DNAJC5B: variants seen among roughly 807,000 people sequenced by gnomAD.
The protein encoded by DNAJC5B is dnaJ homolog subfamily C member 5B.
Under a neutral mutation model 24.7 loss-of-function variants are expected in DNAJC5B, and 23 were observed. The observed-to-expected ratio is 0.93, with a 90% CI of 0.67 to 1.32. DNAJC5B has a LOEUF of 1.32. DNAJC5B is among the 40% of genes most tolerant of loss of function. DNAJC5B has a pLI of 0.00. For synonymous variants in DNAJC5B, 101 were observed against 90.1 expected, an observed-to-expected ratio of 1.12 and a Z score of -0.68; for missense variants, 238 against 240.8, an observed-to-expected ratio of 0.99 and a Z score of 0.08.
intron 2 of DNAJC5B, among the ~76,000 whole-genome samples, chr8:66,046,859 C>T (rs146376822): frequency 6.6e-6 from 1 of 152,396 alleles, no homozygotes; most frequent in East Asian, 1.9e-4. Context: ...GCCACACTCC[C>T]TGCAGCCACG....
chr8:66,030,546 C>T (rs1258881086), intron 1 of DNAJC5B, among the ~76,000 whole-genome samples: 1 of 152,222 alleles, frequency 6.6e-6, no homozygotes, highest in Admixed American at 6.5e-5. Flanking sequence ...CTGCCCCCTT[C>T]CTCTACTGGT....
At chr8:66,075,263 G>A (rs1458194738) in intron 3 of DNAJC5B, among the ~76,000 whole-genome samples, 2 of 151,880 alleles carry the variant, frequency 1.3e-5, no homozygotes, top group African/African-American at 4.8e-5. Context: ...TGACGAGGCT[G>A]GTCTAAAACT....
At chr8:66,055,309 G>A (rs550200969) in intron 3 of DNAJC5B, among the ~76,000 whole-genome samples, 3 of 152,156 alleles carry the variant, frequency 2.0e-5, no homozygotes, top group African/African-American at 7.2e-5. Context: ...AATCCACTGA[G>A]AATATTATTC....
At position 66,066,286 on chromosome 8, in the gene DNAJC5B, G is replaced by C. The variant is rs543352561; in HGVS notation, c.120-10374G>C. Among the ~76,000 whole-genome samples the C allele has an allele frequency of 3.3e-5, 5 of 152,266 alleles. No individual in the cohort carries two copies. The South Asian group carries it at 1.0e-3, about 32-fold the overall frequency. On this transcript the variant is annotated intron_variant, in intron 3 of 5. Transcript: ENST00000276570. ...ATGCTTATACATTACTGGTGGGAAT[G>C]TAAATTAGTACAACCACTATGGAAG...
chr8:66,075,112 G>T (rs1321718026), intron 3 of DNAJC5B, among the ~76,000 whole-genome samples: 1 of 152,046 alleles, frequency 6.6e-6, no homozygotes, highest in Non-Finnish European at 1.5e-5. Flanking sequence ...TGTCGCCCAG[G>T]CTGGAGTGCA....
intron 3 of DNAJC5B, among the ~76,000 whole-genome samples, chr8:66,075,102 T>G (rs1287837091): frequency 6.6e-6 from 1 of 152,234 alleles, no homozygotes; most frequent in East Asian, 1.9e-4. Context: ...GGAGTCTCGC[T>G]GTCGCCCAGG....
chr8:66,031,240 T>C (rs950973161), intron 1 of DNAJC5B, among the ~76,000 whole-genome samples: 4 of 152,244 alleles, frequency 2.6e-5, no homozygotes, highest in Non-Finnish European at 5.9e-5. Context: ...GTAATGATAT[T>C]GCCACAATTG....
At chr8:66,042,707 C>A (rs1251120471) in intron 1 of DNAJC5B, among the ~76,000 whole-genome samples, 1 of 116,992 alleles carries the variant, frequency 8.5e-6, no homozygotes, top group Non-Finnish European at 1.8e-5. Context: ...CCCTCCCCCT[C>A]CCCCCTCCCC....
intron 3 of DNAJC5B, among the ~76,000 whole-genome samples, chr8:66,071,810 C>T (rs1473861370): frequency 1.3e-5 from 2 of 152,044 alleles, no homozygotes; most frequent in African/African-American, 4.8e-5. Flanking sequence ...AAATGTCCAT[C>T]AATAATAGAC....
chr8:66,058,071 GGT>G (rs1338733419), intron 3 of DNAJC5B: 2 of 152,194 alleles, frequency 1.3e-5, no homozygotes, highest in Non-Finnish European at 2.9e-5. Flanking sequence ...CCTCGATGGT[GGT>G]GTGTTCTCGC....
intron 1 of DNAJC5B, among the ~76,000 whole-genome samples, chr8:66,023,009 C>T (rs527541500): frequency 6.6e-5 from 10 of 152,336 alleles, no homozygotes; most frequent in South Asian, 6.2e-4. Flanking sequence ...TTGACTGTAA[C>T]GTTCCCTGAT....
At position 66,060,976 on chromosome 8, in the gene DNAJC5B, T is replaced by C. The variant is rs76870822; in HGVS notation, c.119+9310T>C. Among the ~76,000 whole-genome samples the C allele has an allele frequency of 8.9e-3, 1,351 of 152,294 alleles. 20 individuals carry two copies. The highest frequency in any genetic ancestry group is 0.031 in the African/African-American group (1,269 of 41,540). ...AGTAAGACACACAACATATCAGATGTTGCTAAATGCTAGGAAGAAAAGCAG... is the reference window on the plus strand; with the variant it reads ...AGTAAGACACACAACATATCAGATGCTGCTAAATGCTAGGAAGAAAAGCAG... On this transcript the variant is annotated intron_variant, in intron 3 of 5. Transcript: ENST00000276570.
chr8:66,082,087 C>T (rs1807608658), intron 5 of DNAJC5B, among the ~76,000 whole-genome samples: 1 of 152,040 alleles, frequency 6.6e-6, no homozygotes, highest in African/African-American at 2.4e-5. Context: ...CCTATCTGCT[C>T]TTGTAAAGGA....
chr8:66,075,539 C>A (rs1807443366), intron 3 of DNAJC5B, among the ~76,000 whole-genome samples: 2 of 152,114 alleles, frequency 1.3e-5, no homozygotes, highest in South Asian at 2.1e-4. Flanking sequence ...AAAAACATGT[C>A]TACAATGGTC....
At chr8:66,084,146 C>G (rs1172556084) in intron 5 of DNAJC5B, among the ~76,000 whole-genome samples, 6 of 152,182 alleles carry the variant, frequency 3.9e-5, no homozygotes, top group African/African-American at 1.4e-4. Context: ...ATCCAGAGCT[C>G]AGGCTGGTTA....
chr8:66,076,593 T>C, intron 3 of DNAJC5B, 67 bp from the exon 4 acceptor site: 1 of 1,556,378 alleles, frequency 6.4e-7, no homozygotes, highest in Non-Finnish European at 8.8e-7. Flanking sequence ...AACAGTGCCC[T>C]TCTAAAACGC....
At chr8:66,058,672 C>T (rs1207605804) in intron 3 of DNAJC5B, among the ~76,000 whole-genome samples, 2 of 152,230 alleles carry the variant, frequency 1.3e-5, no homozygotes, top group Admixed American at 6.5e-5. Context: ...TCAGTCCCTC[C>T]TGTGTCAATT....
At chr8:66,030,441 T>C (rs1806334556) in intron 1 of DNAJC5B, among the ~76,000 whole-genome samples, 1 of 152,150 alleles carries the variant, frequency 6.6e-6, no homozygotes, top group African/African-American at 2.4e-5. Flanking sequence ...TCTTTTCTTA[T>C]GAATCATTTC....
intron 2 of DNAJC5B, among the ~76,000 whole-genome samples, chr8:66,047,538 G>A (rs1806747368): frequency 1.3e-5 from 2 of 152,248 alleles, no homozygotes; most frequent in Middle Eastern, 3.4e-3. Flanking sequence ...TTACTCCTAA[G>A]CTTTTGGGGG....
Sources: gnomAD v4.1 joint callset for allele counts (sites outside exome capture counted in the v4.1 genomes callset) on GRCh38, gnomAD v4.1.1 for gene constraint, MANE v1.5 for transcripts, NCBI Gene and HGNC (gene_info 2026-07-23, HGNC 2026-07-21) for gene names.